Variants in NRG1 observed in about 807,000 individuals in gnomAD.
NRG1 encodes the protein neuregulin 1, also known as pro-neuregulin-1, membrane-bound isoform.
In NRG1, 18 loss-of-function variants were observed where a neutral mutation model predicts 63.8. That is an observed-to-expected ratio of 0.28 (90% CI 0.19 to 0.42). The LOEUF is 0.42. NRG1 is among the 10% of genes least tolerant of loss of function. NRG1 has a pLI of 1.00. For synonymous variants in NRG1, 302 were observed against 301.3 expected, an observed-to-expected ratio of 1.00 and a Z score of -0.02; for missense variants, 762 against 814.7, an observed-to-expected ratio of 0.94 and a Z score of 0.79.
chr8:32,736,691 G>C lies in NRG1; in HGVS notation c.633-5984G>C, dbSNP rs762656740. Among the ~76,000 whole-genome samples the C allele has an allele frequency of 2.6e-5, 4 of 152,114 alleles. No individual in the cohort carries two copies. The South Asian group carries it at 6.2e-4, about 24-fold the overall frequency. On this transcript the variant is annotated intron_variant, in intron 6 of 11. Transcript: ENST00000356819. The stretch of plus-strand genomic sequence containing the variant: ...CACTGTGGAATGATGACTAGAGAGA[G>C]AGGAAATATCAGCTGTATTTTTTTT...
intron 5 of NRG1, among the ~76,000 whole-genome samples, chr8:32,722,464 T>C (rs1483503551): frequency 6.6e-6 from 1 of 152,162 alleles, no homozygotes; most frequent in Non-Finnish European, 1.5e-5. Flanking sequence ...AACCTAGCCT[T>C]CTACAGGAAA....
chr8:31,759,911 G>T (rs1817354168), intron 1 of NRG1, among the ~76,000 whole-genome samples: 1 of 152,198 alleles, frequency 6.6e-6, no homozygotes, highest in Non-Finnish European at 1.5e-5. Flanking sequence ...TTTCAGTGAA[G>T]ATAGCCTAAG....
intron 1 of NRG1, among the ~76,000 whole-genome samples, chr8:32,510,752 A>G (rs961282755): frequency 3.3e-5 from 5 of 152,188 alleles, no homozygotes; most frequent in African/African-American, 1.2e-4. Flanking sequence ...GCAGGCTGAG[A>G]CAGGACTCTT....
At chr8:32,372,863 T>C (rs1347181135) in intron 1 of NRG1, among the ~76,000 whole-genome samples, 1 of 152,134 alleles carries the variant, frequency 6.6e-6, no homozygotes, top group Non-Finnish European at 1.5e-5. Flanking sequence ...GCAGGGGCTA[T>C]AAGCAAAGAA....
chr8:32,763,843 C>G (rs779333674), exon 12 of NRG1: 1 of 1,613,986 alleles, frequency 6.2e-7, no homozygotes, highest in East Asian at 2.2e-5. Flanking sequence ...ATGTCTCCAC[C>G]CGTGTCCAGC....
intron 1 of NRG1, among the ~76,000 whole-genome samples, chr8:31,711,840 G>A (rs773976022): frequency 6.6e-6 from 1 of 152,136 alleles, no homozygotes; most frequent in Non-Finnish European, 1.5e-5. Flanking sequence ...GTATCCTCAC[G>A]TAATGGAAGG....
intron 1 of NRG1, among the ~76,000 whole-genome samples, chr8:32,552,112 T>C (rs927009707): frequency 6.6e-6 from 1 of 151,900 alleles, no homozygotes; most frequent in African/African-American, 2.4e-5. Flanking sequence ...GGTTTCACCA[T>C]GTTGGCCAGG....
At chr8:32,090,833 A>C (rs1406749559) in intron 1 of NRG1, among the ~76,000 whole-genome samples, 1 of 152,192 alleles carries the variant, frequency 6.6e-6, no homozygotes, top group Non-Finnish European at 1.5e-5. Context: ...ATGTCCAGAG[A>C]TCTTTCCACT....
intron 1 of NRG1, among the ~76,000 whole-genome samples, chr8:31,815,927 T>C (rs762920929): frequency 2.0e-4 from 30 of 152,214 alleles, no homozygotes; most frequent in Admixed American, 3.3e-4. Context: ...AAGCATCTTT[T>C]CATGTGCTTA....
At chr8:31,703,292 C>T (rs1035385147) in intron 1 of NRG1, among the ~76,000 whole-genome samples, 19 of 151,556 alleles carry the variant, frequency 1.3e-4, no homozygotes, top group Non-Finnish European at 2.8e-4. Context: ...GAAATTTACT[C>T]ATTTTATGCA....
intron 1 of NRG1, among the ~76,000 whole-genome samples, chr8:32,042,516 T>G (rs1479565924): frequency 6.6e-6 from 1 of 152,018 alleles, no homozygotes; most frequent in Non-Finnish European, 1.5e-5. Context: ...GAAAAATTGC[T>G]CAGCATATGA....
At chr8:32,646,281 GACAA>G (rs1853519549) in intron 5 of NRG1, among the ~76,000 whole-genome samples, 2 of 152,038 alleles carry the variant, frequency 1.3e-5, no homozygotes, top group African/African-American at 4.8e-5. Context: ...CCCTGGGCAT[GACAA>G]ACAAAGTCTT....
chr8:31,996,677 C>CT (rs1812019531), intron 1 of NRG1, among the ~76,000 whole-genome samples: 1 of 151,946 alleles, frequency 6.6e-6, no homozygotes, highest in African/African-American at 2.4e-5. Context: ...CTGGAGAGGT[C>CT]TTCCAGCACC....
intron 1 of NRG1, among the ~76,000 whole-genome samples, chr8:32,146,255 A>C (rs930164695): frequency 2.0e-4 from 31 of 152,208 alleles, no homozygotes; most frequent in African/African-American, 7.5e-4. Context: ...ATGTCTTCCT[A>C]AGAGAACTTG....
At chr8:31,835,746 C>A (rs1825632868) in intron 1 of NRG1, among the ~76,000 whole-genome samples, 1 of 152,056 alleles carries the variant, frequency 6.6e-6, no homozygotes, top group Non-Finnish European at 1.5e-5. Flanking sequence ...GATGTCCTTC[C>A]CTTCTGTATT....
chr8:32,427,468 C>G (rs938190532), intron 1 of NRG1, among the ~76,000 whole-genome samples: 24 of 152,232 alleles, frequency 1.6e-4, no homozygotes, highest in Admixed American at 9.2e-4. Context: ...CAGTGGCCAA[C>G]AAGCAGATTT....
chr8:31,909,399 C>A (rs1832768089), intron 1 of NRG1, among the ~76,000 whole-genome samples: 1 of 152,004 alleles, frequency 6.6e-6, no homozygotes, highest in African/African-American at 2.4e-5. Context: ...CTTGACCAGA[C>A]CCCTGGCTTA....
intron 1 of NRG1, among the ~76,000 whole-genome samples, chr8:32,210,063 T>C (rs888990908): frequency 2.2e-4 from 34 of 152,086 alleles, no homozygotes; most frequent in African/African-American, 8.0e-4. Flanking sequence ...CACAAATGAT[T>C]AGGAAGTGTT....
intron 1 of NRG1, among the ~76,000 whole-genome samples, chr8:31,792,715 C>T (rs1257482218): frequency 6.6e-6 from 1 of 152,190 alleles, no homozygotes; most frequent in Non-Finnish European, 1.5e-5. Flanking sequence ...GCCTTACAGA[C>T]TGTCCTGTTT....
Sources: gnomAD v4.1 joint callset for allele counts (sites outside exome capture counted in the v4.1 genomes callset) on GRCh38, gnomAD v4.1.1 for gene constraint, MANE v1.5 for transcripts, NCBI Gene and HGNC (gene_info 2026-07-23, HGNC 2026-07-21) for gene names.